The following RAB20 variants were observed in gnomAD, a reference collection of about 807,000 sequenced individuals.
RAB20 encodes RAB20, member RAS oncogene family, also known as ras-related protein Rab-20.
A neutral mutation model predicts 3.7 loss-of-function variants in RAB20; 2 were observed. The ratio of observed to expected loss-of-function variants is 0.54; its 90% confidence interval spans 0.22 to 1.69. The LOEUF is 1.69. Ranked by LOEUF, RAB20 falls within the 40% of genes most tolerant of loss-of-function variation. The pLI, the probability that RAB20 is intolerant of heterozygous loss-of-function variation, is 0.19. For synonymous variants in RAB20, 126 were observed against 130.8 expected (o/e 0.96, Z 0.25); for missense variants, 276 against 311.9 (o/e 0.88, Z 0.87).
rs537874256 is a variant in RAB20 at position 110,525,111 on chromosome 13, T to C, written c.173-914A>G. Among the ~76,000 whole-genome samples the C allele has an allele frequency of 7.9e-5, 12 of 152,316 alleles. No homozygotes were observed. In the East Asian group the frequency reaches 2.3e-3, roughly 29 times the overall value. On this transcript the variant is annotated intron_variant, in intron 1 of 1. Transcript: ENST00000267328. ...ATGCACCCCTGCAGTGCCTGGAGTGTGGGCATCTGCTCTCCCCGTGCCCCC... is the reference window on the plus strand; with the variant it reads ...ATGCACCCCTGCAGTGCCTGGAGTGCGGGCATCTGCTCTCCCCGTGCCCCC...
At chr13:110,548,506 A>C (rs1043846392) in intron 1 of RAB20, among the ~76,000 whole-genome samples, 4 of 143,868 alleles carry the variant, frequency 2.8e-5, no homozygotes, top group Non-Finnish European at 6.1e-5. Context: ...AAACAAAAAA[A>C]AACTCTTGTC....
At chr13:110,561,201 G>A in intron 1 of RAB20, 147 bp downstream of exon 1, 1 of 1,087,510 alleles carries the variant, frequency 9.2e-7, no homozygotes, top group Non-Finnish European at 1.2e-6. Context: ...AACCAGCAAG[G>A]GAGGACGAGT....
At position 110,524,192 on chromosome 13, in the gene RAB20, C is replaced by T. The variant is rs763508430; in HGVS notation, c.178G>A (p.Glu60Lys). ...ATGGAGCCCAGGCCGTGGAACTGCT[C>T]CCGCCCTGGTGGGAAGAGAGGGACA... ...NISIWDTAGR[E>K]QFHGLGSMYC... Residue 60 changes from glutamate (E) to lysine (K), a missense_variant, in exon 2 of 2, where the codon GAG (glutamate) becomes AAG (lysine). Physicochemically the swap from Glu to Lys is moderately conservative, Grantham distance 56. Coordinates refer to ENST00000267328, the MANE Select transcript of RAB20 (RefSeq NM_017817.3). 6.3e-7 allele frequency: 1 copy of T among 1,587,996 alleles called. No homozygotes were observed. The highest frequency in any genetic ancestry group is 1.7e-5 in the Admixed American group (1 of 59,110).
At chr13:110,541,016 CT>C (rs563332660) in intron 1 of RAB20, among the ~76,000 whole-genome samples, 1 of 152,310 alleles carries the variant, frequency 6.6e-6, no homozygotes, top group East Asian at 1.9e-4. Context: ...CTCAGGAGGC[CT>C]GGCTGGGTCC....
intron 1 of RAB20, among the ~76,000 whole-genome samples, chr13:110,552,800 G>A (rs1184407732): frequency 6.6e-6 from 1 of 152,192 alleles, no homozygotes; most frequent in Non-Finnish European, 1.5e-5. Context: ...AAGGCATTCA[G>A]TGTGACTCAG....
At chr13:110,532,539 G>T (rs930555404) in intron 1 of RAB20, among the ~76,000 whole-genome samples, 1 of 152,086 alleles carries the variant, frequency 6.6e-6, no homozygotes, top group Non-Finnish European at 1.5e-5. Context: ...ACCAAGCCCA[G>T]CTAATTTTTG....
chr13:110,538,973 G>C (rs1884706006), intron 1 of RAB20, among the ~76,000 whole-genome samples: 1 of 152,218 alleles, frequency 6.6e-6, no homozygotes, highest in South Asian at 2.1e-4. Flanking sequence ...GGATATGACT[G>C]TGGGAGTTGA....
rs142041231 is a variant in RAB20 at position 110,555,384 on chromosome 13, C to G, written c.172+5964G>C. Among the ~76,000 whole-genome samples the G allele has an allele frequency of 7.9e-4, 120 of 152,314 alleles. No individual in the cohort carries two copies. Among genetic ancestry groups the G allele is most frequent in the African/African-American group, 2.7e-3 (114 of 41,570 alleles). ...TCTCCATTCCACACCACAGAGTCCC[C>G]CATTTTCTCAGTCCTGCCTTTTGTC... On this transcript the variant is annotated intron_variant, in intron 1 of 1. Transcript: ENST00000267328. This position sits in a 1 kb window ranked among gnomAD's most constrained non-coding sequence, Gnocchi z 4.0.
intron 1 of RAB20, among the ~76,000 whole-genome samples, chr13:110,536,234 G>A (rs546547523): frequency 1.4e-3 from 220 of 152,170 alleles, no homozygotes; most frequent in Non-Finnish European, 2.7e-3. Context: ...GCCTCCTGAG[G>A]TGCACGGCCC....
chr13:110,561,487 C>T lies in RAB20; in HGVS notation c.33G>A (p.Leu11=), dbSNP rs754835660. ...ACGTCTTCCCCACGTTCATGTCCCCCAGGAGCACGATCTTGCTGTCGGGCT... is the reference window on the plus strand; with the variant it reads ...ACGTCTTCCCCACGTTCATGTCCCCTAGGAGCACGATCTTGCTGTCGGGCT... MRKPDSKIVL[L]GDMNVGKTSL... Residue 11 remains leucine (L), a synonymous_variant, in exon 1 of 2, where the codon CTG becomes CTA. Coordinates refer to ENST00000267328, the MANE Select transcript of RAB20 (RefSeq NM_017817.3). 16 of 1,592,026 alleles carry T rather than the reference C, an allele frequency of 1.0e-5. No homozygotes were observed. The East Asian group carries it at 3.9e-4, about 38-fold the overall frequency.
chr13:110,535,743 G>A (rs960333388), intron 1 of RAB20, among the ~76,000 whole-genome samples: 1 of 152,210 alleles, frequency 6.6e-6, no homozygotes, highest in African/African-American at 2.4e-5. Context: ...GCGCCTCTGA[G>A]CGCCCACTGG....
intron 1 of RAB20, among the ~76,000 whole-genome samples, chr13:110,543,232 G>T (rs1594135138): frequency 6.6e-6 from 1 of 152,156 alleles, no homozygotes; most frequent in East Asian, 1.9e-4. Context: ...AAACTCAAGC[G>T]ATCCTCCTGC....
Position 110,555,173 on chromosome 13 carries a change from G to GT in RAB20, c.172+6174dup, listed in dbSNP as rs1317606419. The stretch of plus-strand genomic sequence containing the variant: ...GGACCCACATACAGTGGCAATTACT[G>GT]TAAGTGTTGGAAGCACGAGTTTCGG... On this transcript the variant is annotated intron_variant, in intron 1 of 1. Transcript: ENST00000267328. The surrounding 1 kb of genome is among the most constrained non-coding windows in gnomAD (Gnocchi z 4.0). 2.0e-5 allele frequency among the ~76,000 whole-genome samples: 3 copies of GT among 152,192 alleles called. No homozygotes were observed. Among genetic ancestry groups the GT allele is most frequent in the Non-Finnish European group, 2.9e-5 (2 of 68,042 alleles).
At chr13:110,528,945 T>C (rs932746553) in intron 1 of RAB20, among the ~76,000 whole-genome samples, 1 of 152,222 alleles carries the variant, frequency 6.6e-6, no homozygotes, top group African/African-American at 2.4e-5. Flanking sequence ...AAGCAAGCAG[T>C]TTTCATATTT....
intron 1 of RAB20, among the ~76,000 whole-genome samples, chr13:110,557,162 G>A (rs1244156187): frequency 6.6e-6 from 1 of 152,198 alleles, no homozygotes; most frequent in African/African-American, 2.4e-5. Flanking sequence ...AATGAGGACT[G>A]TGTTATCAGA....
chr13:110,558,918 G>A (rs1594141468), intron 1 of RAB20, among the ~76,000 whole-genome samples: 1 of 150,484 alleles, frequency 6.6e-6, no homozygotes, highest in African/African-American at 2.4e-5. Context: ...GGATGGTCTT[G>A]ATCTCTTGAC....
intron 1 of RAB20, among the ~76,000 whole-genome samples, chr13:110,549,497 A>G (rs1452310058): frequency 2.0e-5 from 3 of 152,210 alleles, no homozygotes; most frequent in Non-Finnish European, 4.4e-5. Context: ...TGGGTGCCTT[A>G]GGCCTCAGGA....
intron 1 of RAB20, among the ~76,000 whole-genome samples, chr13:110,559,476 G>C (rs938157829): frequency 8.6e-5 from 13 of 151,934 alleles, no homozygotes; most frequent in Admixed American, 7.9e-4. Flanking sequence ...CAAGTACCCG[G>C]TCAGGCCACA....
intron 1 of RAB20, among the ~76,000 whole-genome samples, chr13:110,544,551 C>CT (rs1383788687): frequency 1.3e-5 from 2 of 152,186 alleles, no homozygotes; most frequent in Non-Finnish European, 2.9e-5. Flanking sequence ...AATCATGACT[C>CT]TAATACAGAT....
Sources: allele counts gnomAD v4.1 joint callset (sites outside exome capture counted in the v4.1 genomes callset), GRCh38; gene constraint gnomAD v4.1.1; non-coding constraint Gnocchi (gnomAD v3.1); transcripts MANE v1.5; gene names NCBI Gene and HGNC (gene_info 2026-07-23, HGNC 2026-07-21).